RIMKLB: variants seen among roughly 807,000 people sequenced by gnomAD.
RIMKLB encodes the protein ribosomal modification protein rimK like family member B.
In RIMKLB, 7 loss-of-function variants were observed where a neutral mutation model predicts 32.0. The observed-to-expected ratio is 0.22, with a 90% CI of 0.12 to 0.41. RIMKLB has a LOEUF of 0.41. RIMKLB is among the 10% of genes least tolerant of loss of function. RIMKLB has a pLI of 1.00. For missense variants in RIMKLB, 289 were observed against 498.7 expected (o/e 0.58, Z 4.00); for synonymous variants, 172 against 185.1 (o/e 0.93, Z 0.57).
upstream of RIMKLB, among the ~76,000 whole-genome samples, chr12:8,681,415 T>C (rs577439245): frequency 3.9e-4 from 60 of 152,324 alleles, no homozygotes; most frequent in Non-Finnish European, 7.1e-4. Flanking sequence ...TTAAAATCCT[T>C]GGAATTTCCT....
chr12:8,744,613 A>AT (rs1591846894), intron 2 of RIMKLB, among the ~76,000 whole-genome samples: 1 of 151,078 alleles, frequency 6.6e-6, no homozygotes, highest in Non-Finnish European at 1.5e-5. Context: ...TGATTTTCTT[A>AT]TTTTTTATAA....
intron 5 of RIMKLB, among the ~76,000 whole-genome samples, chr12:8,767,547 G>A (rs1950068288): frequency 6.6e-6 from 1 of 152,184 alleles, no homozygotes; most frequent in African/African-American, 2.4e-5. Context: ...TTTCAAGAAA[G>A]TCGTGGTCGG....
At chr12:8,698,601 G>A (rs1255484839) in intron 1 of RIMKLB, among the ~76,000 whole-genome samples, 2 of 152,174 alleles carry the variant, frequency 1.3e-5, no homozygotes, top group African/African-American at 4.8e-5. Context: ...CGTGTAAGGA[G>A]TATGGTTTCC....
chr12:8,715,749 A>G (rs1944774926), intron 2 of RIMKLB, among the ~76,000 whole-genome samples: 1 of 152,226 alleles, frequency 6.6e-6, no homozygotes, highest in South Asian at 2.1e-4. Flanking sequence ...TAAAGTCCTC[A>G]TATATTCTAA....
intron 2 of RIMKLB, among the ~76,000 whole-genome samples, chr12:8,745,509 C>T (rs1947999399): frequency 6.6e-6 from 1 of 151,746 alleles, no homozygotes; most frequent in African/African-American, 2.4e-5. Context: ...GTTCTTCTAC[C>T]TCAGCTTCCC....
chr12:8,777,429 G>A (rs1043636582), downstream of RIMKLB: 3 of 984,824 alleles, frequency 3.0e-6, no homozygotes, highest in Admixed American at 6.2e-5. Context: ...TTATACCAAT[G>A]CCATTTTGCC....
intron 1 of RIMKLB, among the ~76,000 whole-genome samples, chr12:8,688,825 T>C (rs768634988): frequency 1.3e-5 from 2 of 152,018 alleles, no homozygotes; most frequent in African/African-American, 4.8e-5. Flanking sequence ...GTGCATGACG[T>C]ATTTCTTTCT....
intron 2 of RIMKLB, among the ~76,000 whole-genome samples, chr12:8,718,228 G>T (rs1945053245): frequency 6.6e-6 from 1 of 152,148 alleles, no homozygotes; most frequent in African/African-American, 2.4e-5. Context: ...TGTTGTTGTT[G>T]TTTTAAATGT....
At chr12:8,743,742 C>G (rs1336326366) in intron 2 of RIMKLB, among the ~76,000 whole-genome samples, 1 of 151,862 alleles carries the variant, frequency 6.6e-6, no homozygotes, top group Non-Finnish European at 1.5e-5. Context: ...ATATCCTAAT[C>G]AACAGGAACA....
At chr12:8,736,164 T>G (rs1946985304) in intron 2 of RIMKLB, among the ~76,000 whole-genome samples, 1 of 152,222 alleles carries the variant, frequency 6.6e-6, no homozygotes, top group South Asian at 2.1e-4. Context: ...TTAGTTCTAT[T>G]TTAGTTTTAA....
intron 2 of RIMKLB, among the ~76,000 whole-genome samples, chr12:8,738,082 T>C (rs1362448625): frequency 6.6e-6 from 1 of 152,196 alleles, no homozygotes; most frequent in African/African-American, 2.4e-5. Context: ...TTACTGTCAC[T>C]ATTCATTTTG....
chr12:8,740,314 T>C (rs1239445017), intron 2 of RIMKLB, among the ~76,000 whole-genome samples: 3 of 152,256 alleles, frequency 2.0e-5, no homozygotes, highest in Non-Finnish European at 4.4e-5. Flanking sequence ...AATACTTTTT[T>C]CCCCGATGGT....
At chr12:8,739,332 C>A (rs1045106325) in intron 2 of RIMKLB, among the ~76,000 whole-genome samples, 2 of 152,162 alleles carry the variant, frequency 1.3e-5, no homozygotes, top group African/African-American at 4.8e-5. Flanking sequence ...AAGCTCTCAT[C>A]TCTTCCTTTC....
At chr12:8,722,814 A>G (rs768649884) in intron 2 of RIMKLB, among the ~76,000 whole-genome samples, 1 of 152,372 alleles carries the variant, frequency 6.6e-6, no homozygotes, top group Admixed American at 6.5e-5. Context: ...GCACTGTGCT[A>G]TACAGATGGC....
intron 5 of RIMKLB, among the ~76,000 whole-genome samples, chr12:8,764,603 C>A (rs1290227535): frequency 6.6e-6 from 1 of 152,110 alleles, no homozygotes; most frequent in Non-Finnish European, 1.5e-5. Context: ...AGTTAACCTC[C>A]TGGCCCTCAA....
At chr12:8,723,803 C>CT (rs1565578880) in intron 2 of RIMKLB, among the ~76,000 whole-genome samples, 132 of 105,692 alleles carry the variant, frequency 1.2e-3, no homozygotes, top group Middle Eastern at 5.6e-3. Context: ...TCTTCAGTTC[C>CT]CTTTTTTTTT....
At chr12:8,704,861 TGTCATCC>T (rs1943711669) in intron 1 of RIMKLB, among the ~76,000 whole-genome samples, 1 of 58 alleles carries the variant, frequency 0.017, no homozygotes, top group African/African-American at 0.1. Flanking sequence ...GGTACATACC[TGTCATCC>T]CACCTACTTG....
chr12:8,775,013 TA>T lies in RIMKLB; in HGVS notation c.*1231del. The T allele has an allele frequency of 2.0e-6, 2 of 985,814 alleles. No individual in the cohort carries two copies. Among genetic ancestry groups the T allele is most frequent in the Non-Finnish European group, 2.4e-6 (2 of 829,870 alleles). 61.1% of individuals were successfully genotyped at this position (985,814 alleles called of 1,614,324 possible). On this transcript the variant is annotated 3_prime_UTR_variant, in exon 6 of 6. Transcript: ENST00000535829. ...TTAAAAAACAGATGAGTTGTTTTCA[TA>T]AGTAGACTCCACTGGGGTAGAGGTA...
Position 8,774,494 on chromosome 12 carries a change from A to C in RIMKLB, c.*710A>C. 1 of 982,134 alleles carries C rather than the reference A, an allele frequency of 1.0e-6. No homozygotes were observed. Among genetic ancestry groups the C allele is most frequent in the Non-Finnish European group, 1.2e-6 (1 of 826,674 alleles). The allele number at this position is 982,134 out of a possible 1,614,324, so 60.8% of individuals were successfully genotyped here. On this transcript the variant is annotated 3_prime_UTR_variant, in exon 6 of 6. Coordinates refer to ENST00000535829, the MANE Select transcript of RIMKLB (RefSeq NM_001297776.2). ...ATTAATTCAATGTAGATAAAATTAC[A>C]CTAGTTTAAAATATGTGCATTCACT...
Sources: gnomAD v4.1 joint callset for allele counts (sites outside exome capture counted in the v4.1 genomes callset) on GRCh38, gnomAD v4.1.1 for gene constraint, MANE v1.5 for transcripts, NCBI Gene and HGNC (gene_info 2026-07-23, HGNC 2026-07-21) for gene names.